Variants in MPPED1 observed in about 807,000 individuals in gnomAD.
MPPED1 encodes the protein metallophosphoesterase domain-containing protein 1.
Under a neutral mutation model 36.2 loss-of-function variants are expected in MPPED1, and 16 were observed. That is an observed-to-expected ratio of 0.44 (90% confidence interval 0.30 to 0.67). The LOEUF is 0.67. Ranked by LOEUF, MPPED1 falls within the 30% of genes least tolerant of loss-of-function variation. The pLI is 0.10. For missense variants in MPPED1, 307 were observed against 453.4 expected, an observed-to-expected ratio of 0.68 and a Z score of 2.93; for synonymous variants, 199 against 191.3, an observed-to-expected ratio of 1.04 and a Z score of -0.33.
At chr22:43,447,221 T>C (rs187067079) in intron 3 of MPPED1, among the ~76,000 whole-genome samples, 32 of 152,328 alleles carry the variant, frequency 2.1e-4, no homozygotes, top group African/African-American at 6.5e-4. Context: ...GAGAAATTGC[T>C]GGTTGGTTGT....
At chr22:43,436,358 A>C (rs377604429) in intron 3 of MPPED1, among the ~76,000 whole-genome samples, 1 of 152,276 alleles carries the variant, frequency 6.6e-6, no homozygotes, top group Admixed American at 6.5e-5. Flanking sequence ...CCCGCTGTGC[A>C]GTTGGCTGGG....
chr22:43,480,204 G>C (rs1386682933), intron 4 of MPPED1, among the ~76,000 whole-genome samples: 1 of 152,096 alleles, frequency 6.6e-6, no homozygotes, highest in Non-Finnish European at 1.5e-5. Flanking sequence ...TCTGTGCAGG[G>C]CTCGGGAGAC....
At chr22:43,495,548 GTGGAGA>G (rs1569088764) in intron 4 of MPPED1, among the ~76,000 whole-genome samples, 7 of 128,182 alleles carry the variant, frequency 5.5e-5, no homozygotes, top group South Asian at 2.6e-4. Flanking sequence ...GATGGTGGTG[GTGGAGA>G]TGGTGGTGGT....
At chr22:43,438,757 C>G (rs1930050074) in intron 3 of MPPED1, among the ~76,000 whole-genome samples, 2 of 151,986 alleles carry the variant, frequency 1.3e-5, no homozygotes, top group African/African-American at 4.8e-5. Flanking sequence ...TGTCTGGTGC[C>G]AAGTGTGTCA....
chr22:43,477,747 C>G (rs1004018714), intron 4 of MPPED1, among the ~76,000 whole-genome samples: 1 of 152,242 alleles, frequency 6.6e-6, no homozygotes, highest in Non-Finnish European at 1.5e-5. Flanking sequence ...CTCCCTGCAG[C>G]CAGTGAGGTC....
chr22:43,452,774 A>C (rs1360304663), intron 3 of MPPED1, among the ~76,000 whole-genome samples: 2 of 151,788 alleles, frequency 1.3e-5, no homozygotes, highest in African/African-American at 4.8e-5. Flanking sequence ...GACCACAGGC[A>C]CATGCCACCA....
Position 43,435,066 on chromosome 22 carries a change from C to A in MPPED1, c.257C>A (p.Pro86His). ...CCGGTGCCTCACGATGCCCCCAAAC[C>A]TCCAGGCTACACCCGCTTCGTCTGC... ...VDPVPHDAPK[P>H]PGYTRFVCVS... is the part of the protein sequence containing the mutation. The change falls in exon 3 of 7, where the codon CCT becomes CAT. Residue 86 changes from proline to histidine, a missense_variant. Physicochemically the swap from Pro to His is moderately conservative, Grantham distance 77. Around this residue, in one of 3 missense-constraint regions of MPPED1, gnomAD observed 169 missense variants for 212.3 expected, o/e 0.80. Coordinates refer to ENST00000443721, the MANE Select transcript of MPPED1 (RefSeq NM_001044370.2). The A allele has an allele frequency of 6.2e-7, 1 of 1,613,846 alleles. No homozygotes were observed. The highest frequency in any genetic ancestry group is 8.5e-7 in the Non-Finnish European group (1 of 1,179,888).
chr22:43,424,788 C>T lies in MPPED1; in HGVS notation c.-78-120C>T, dbSNP rs924346388. 2.2e-5 allele frequency: 29 copies of T among 1,296,766 alleles called. No homozygotes were observed. The Admixed American group carries it at 4.4e-4, about 20-fold the overall frequency. 80.3% of individuals were successfully genotyped at this position (1,296,766 alleles called of 1,614,324 possible). On this transcript the variant is annotated intron_variant, in intron 1 of 6. Transcript: ENST00000443721. ...ATTTGTAATGAGTTTTTGAGCTGTA[C>T]GACTGTGTTTTTTTTTCCTCTCCCC... is the stretch of plus-strand genomic sequence containing the variant.
At chr22:43,465,470 G>A (rs1931133169) in intron 3 of MPPED1, among the ~76,000 whole-genome samples, 1 of 152,260 alleles carries the variant, frequency 6.6e-6, no homozygotes, top group Admixed American at 6.5e-5. Context: ...TTCAGTGGCT[G>A]TGTGTTGAGT....
At chr22:43,478,574 C>T (rs1446638215) in intron 4 of MPPED1, among the ~76,000 whole-genome samples, 2 of 151,972 alleles carry the variant, frequency 1.3e-5, no homozygotes, top group African/African-American at 4.8e-5. Flanking sequence ...AAGGGTGTGG[C>T]AGGCAGAGGG....
chr22:43,425,101 A>G lies in MPPED1; in HGVS notation c.116A>G (p.Gln39Arg), dbSNP rs757376598. Reference sequence around the variant, plus strand: ...CACGTGATGGCCGCTCGGCGGCACCAGCACAGCCGGCTCATCATCGAGGTG... The same window carrying G: ...CACGTGATGGCCGCTCGGCGGCACCGGCACAGCCGGCTCATCATCGAGGTG... ...QSHVMAARRH[Q>R]HSRLIIEVDE... is the part of the protein sequence containing the mutation. Residue 39 changes from glutamine (Q) to arginine (R), a missense_variant, in exon 2 of 7, where the codon CAG becomes CGG. Gln to Arg is a conservative substitution (Grantham distance 43). This residue lies in a region of MPPED1 where 169 missense variants were observed against 212.3 expected (regional missense o/e 0.80). Transcript: ENST00000443721. 6.2e-7 allele frequency: 1 copy of G among 1,613,822 alleles called. No homozygotes were observed. Among genetic ancestry groups the G allele is most frequent in the South Asian group, 1.1e-5 (1 of 91,076 alleles).
chr22:43,451,747 T>C (rs1273965164), intron 3 of MPPED1, among the ~76,000 whole-genome samples: 1 of 152,248 alleles, frequency 6.6e-6, no homozygotes. Context: ...TTCCCTCCTG[T>C]GTCCCGGGTG....
intron 1 of MPPED1, chr22:43,417,081 T>G: frequency 1.1e-6 from 1 of 893,120 alleles, no homozygotes. Context: ...CAGAGACTGC[T>G]GGGGGGTGGC....
intron 3 of MPPED1, among the ~76,000 whole-genome samples, chr22:43,458,458 A>G (rs1161764148): frequency 6.6e-6 from 1 of 151,824 alleles, no homozygotes; most frequent in Non-Finnish European, 1.5e-5. Context: ...GCTAATTTTT[A>G]TATTTTTAGT....
intron 1 of MPPED1, among the ~76,000 whole-genome samples, chr22:43,421,022 A>T (rs1442804943): frequency 6.6e-6 from 1 of 152,172 alleles, no homozygotes; most frequent in Non-Finnish European, 1.5e-5. Flanking sequence ...CCCCATCAGG[A>T]TGCATGACTT....
At chr22:43,423,117 G>A (rs1929335336) in intron 1 of MPPED1, among the ~76,000 whole-genome samples, 1 of 152,238 alleles carries the variant, frequency 6.6e-6, no homozygotes, top group African/African-American at 2.4e-5. Flanking sequence ...GATTACGGGT[G>A]TGAGCCACTG....
At chr22:43,490,182 C>T (rs755408154) in intron 4 of MPPED1, among the ~76,000 whole-genome samples, 5 of 152,216 alleles carry the variant, frequency 3.3e-5, no homozygotes, top group Non-Finnish European at 5.9e-5. Context: ...CAGCTGCCCC[C>T]ATGTCCCCAG....
intron 1 of MPPED1, among the ~76,000 whole-genome samples, chr22:43,415,713 A>G (rs1929056581): frequency 6.6e-6 from 1 of 151,858 alleles, no homozygotes; most frequent in South Asian, 2.1e-4. Context: ...CTTCTGGTTG[A>G]CTCTGCTCTG....
chr22:43,450,104 C>T (rs1315910208), intron 3 of MPPED1, among the ~76,000 whole-genome samples: 1 of 152,286 alleles, frequency 6.6e-6, no homozygotes, highest in South Asian at 2.1e-4. Flanking sequence ...CCCCATTCTT[C>T]TCACGTGTCA....
Sources: allele counts gnomAD v4.1 joint callset (sites outside exome capture counted in the v4.1 genomes callset), GRCh38; gene constraint gnomAD v4.1.1; regional missense constraint gnomAD v4.1.1; transcripts MANE v1.5; gene names NCBI Gene and HGNC (gene_info 2026-07-23, HGNC 2026-07-21).